The following EPHA3 variants were observed in gnomAD, a reference collection of about 807,000 sequenced individuals.
The protein encoded by EPHA3 is EPH receptor A3.
EPHA3 carries 42 observed loss-of-function variants against 107.1 expected under a neutral mutation model. The observed-to-expected ratio is 0.39, with a 90% CI of 0.31 to 0.51. EPHA3 has a LOEUF of 0.51. Ranked by LOEUF, EPHA3 falls within the 20% of genes least tolerant of loss-of-function variation. The pLI is 0.78. For missense variants in EPHA3, 1,183 were observed against 1,211.2 expected (o/e 0.98, Z 0.35); for synonymous variants, 461 against 424.8 (o/e 1.09, Z -1.05).
intron 3 of EPHA3, among the ~76,000 whole-genome samples, chr3:89,246,656 T>C (rs1705040646): frequency 6.6e-6 from 1 of 152,236 alleles, no homozygotes; most frequent in African/African-American, 2.4e-5. Context: ...ATTGCTACTC[T>C]GCCCTTTATA....
At chr3:89,394,588 G>T (rs1265170333) in intron 5 of EPHA3, among the ~76,000 whole-genome samples, 1 of 152,078 alleles carries the variant, frequency 6.6e-6, no homozygotes, top group Non-Finnish European at 1.5e-5. Context: ...TTCTATTATA[G>T]GTGAAGAATA....
intron 15 of EPHA3, among the ~76,000 whole-genome samples, chr3:89,451,325 A>G (rs1242514572): frequency 6.6e-6 from 1 of 152,174 alleles, no homozygotes; most frequent in Non-Finnish European, 1.5e-5. Context: ...GAAGAGATGA[A>G]TTTTGTCAGG....
At chr3:89,439,397 G>A (rs942035445) in intron 13 of EPHA3, among the ~76,000 whole-genome samples, 1 of 152,116 alleles carries the variant, frequency 6.6e-6, no homozygotes, top group Non-Finnish European at 1.5e-5. Flanking sequence ...GGTCAGGGCT[G>A]CAGTGAGCCT....
chr3:89,250,038 T>A (rs1254423425), intron 3 of EPHA3, among the ~76,000 whole-genome samples: 1 of 152,138 alleles, frequency 6.6e-6, no homozygotes, highest in Non-Finnish European at 1.5e-5. Flanking sequence ...AAATGTGGGG[T>A]CCTCCTGTTT....
chr3:89,192,351 G>C (rs186746573), intron 2 of EPHA3, among the ~76,000 whole-genome samples: 70 of 152,166 alleles, frequency 4.6e-4, no homozygotes, highest in Non-Finnish European at 7.7e-4. Context: ...AGCCTTCGTA[G>C]ATCCAGAGTT....
At chr3:89,117,098 T>C (rs1707274998) in intron 1 of EPHA3, among the ~76,000 whole-genome samples, 1 of 152,042 alleles carries the variant, frequency 6.6e-6, no homozygotes, top group Non-Finnish European at 1.5e-5. Flanking sequence ...GTGGGTTAAT[T>C]TTATTACTGA....
At chr3:89,114,101 C>T (rs1707191468) in intron 1 of EPHA3, among the ~76,000 whole-genome samples, 1 of 152,204 alleles carries the variant, frequency 6.6e-6, no homozygotes, top group African/African-American at 2.4e-5. Context: ...AGGAGGAAAG[C>T]AAGTGGCAGC....
chr3:89,418,311 A>G (rs1709287065), intron 10 of EPHA3, among the ~76,000 whole-genome samples: 1 of 151,478 alleles, frequency 6.6e-6, no homozygotes, highest in African/African-American at 2.4e-5. Flanking sequence ...GACATTCTAT[A>G]GAACTCCCAT....
At chr3:89,187,973 G>C (rs759562676) in intron 2 of EPHA3, among the ~76,000 whole-genome samples, 1 of 151,932 alleles carries the variant, frequency 6.6e-6, no homozygotes, top group Non-Finnish European at 1.5e-5. Context: ...GTGTATAACT[G>C]GTATCTCCTA....
intron 13 of EPHA3, among the ~76,000 whole-genome samples, chr3:89,445,777 G>A (rs777314462): frequency 1.3e-5 from 2 of 152,162 alleles, no homozygotes; most frequent in Non-Finnish European, 2.9e-5. Flanking sequence ...TCCAAAGCTA[G>A]CAAAACTTGT....
intron 3 of EPHA3, among the ~76,000 whole-genome samples, chr3:89,339,370 C>CAAAAAAAA (rs10575384): frequency 5.6e-5 from 6 of 106,552 alleles, no homozygotes; most frequent in Non-Finnish European, 7.4e-5. Context: ...GACTCCATCT[C>CAAAAAAAA]AAAAAAAAAA....
chr3:89,308,746 A>G (rs1706692335), intron 3 of EPHA3, among the ~76,000 whole-genome samples: 1 of 152,112 alleles, frequency 6.6e-6, no homozygotes, highest in African/African-American at 2.4e-5. Flanking sequence ...AGATTTTGAA[A>G]TAGTGGAAAG....
chr3:89,294,723 T>C (rs1330431753), intron 3 of EPHA3, among the ~76,000 whole-genome samples: 2 of 152,170 alleles, frequency 1.3e-5, no homozygotes, highest in African/African-American at 2.4e-5. Flanking sequence ...TTTGGACATA[T>C]AGAGCACAGT....
At chr3:89,380,372 G>A (rs1489029559) in intron 5 of EPHA3, among the ~76,000 whole-genome samples, 5 of 152,236 alleles carry the variant, frequency 3.3e-5, no homozygotes, top group East Asian at 3.9e-4. Context: ...ATATGCATGC[G>A]TCTGTGTGTT....
At chr3:89,225,099 C>G (rs1311988435) in intron 3 of EPHA3, among the ~76,000 whole-genome samples, 5 of 151,962 alleles carry the variant, frequency 3.3e-5, no homozygotes, top group Non-Finnish European at 5.9e-5. Context: ...GTGAAATTAT[C>G]CATCTTGGAA....
At chr3:89,417,507 T>C (rs1477178199) in intron 10 of EPHA3, among the ~76,000 whole-genome samples, 5 of 151,516 alleles carry the variant, frequency 3.3e-5, no homozygotes, top group African/African-American at 4.8e-5. Context: ...GCTCTGATAA[T>C]GTTCGGATAA....
At chr3:89,296,238 A>C (rs1428227968) in intron 3 of EPHA3, among the ~76,000 whole-genome samples, 1 of 152,224 alleles carries the variant, frequency 6.6e-6, no homozygotes, top group Admixed American at 6.5e-5. Context: ...AATTTTTTCC[A>C]GAAGGTTTTC....
chr3:89,187,109 G>A (rs981525758), intron 2 of EPHA3, among the ~76,000 whole-genome samples: 1 of 151,530 alleles, frequency 6.6e-6, no homozygotes, highest in African/African-American at 2.4e-5. Context: ...GAGTACTACA[G>A]ACTTTAATTT....
chr3:89,415,754 A>G (rs1239276500), intron 10 of EPHA3, among the ~76,000 whole-genome samples: 1 of 151,322 alleles, frequency 6.6e-6, no homozygotes, highest in Non-Finnish European at 1.5e-5. Flanking sequence ...ATACTTAGTA[A>G]GTCCTTAATT....
Sources: gnomAD v4.1 joint callset for allele counts (sites outside exome capture counted in the v4.1 genomes callset) on GRCh38, gnomAD v4.1.1 for gene constraint, MANE v1.5 for transcripts, NCBI Gene and HGNC (gene_info 2026-07-23, HGNC 2026-07-21) for gene names.